Variants in DMD observed in about 807,000 individuals in gnomAD.
DMD encodes the protein dystrophin.
DMD carries 63 observed loss-of-function variants against 330.1 expected under a neutral mutation model. That is an observed-to-expected ratio of 0.19 (90% CI 0.16 to 0.24). The LOEUF (loss-of-function observed/expected upper bound fraction) is 0.24, where lower values mean the gene tolerates loss of function less well. DMD is among the 10% of genes least tolerant of loss of function. The pLI is 1.00. For missense variants in DMD, 3,344 were observed against 2,684.1 expected (o/e 1.25, Z -5.43); for synonymous variants, 1,223 against 959.8 (o/e 1.27, Z -5.07).
chrX:32,526,478 G>C (rs1034724706), intron 17 of DMD, among the ~76,000 whole-genome samples: 3 of 108,949 alleles, frequency 2.8e-5, no homozygotes, highest in African/African-American at 1.0e-4. Flanking sequence ...TTTTCAAAAA[G>C]ACCTTCCATT....
At position 32,733,208 on chromosome X, in the gene DMD, G is replaced by A. The variant is rs1165749984; in HGVS notation, c.650-33915C>T. ...TAAAGGAATCAATTCAACAGGAAGA[G>A]CTAACTATCCTAAATATATATGCAC... is the stretch of plus-strand genomic sequence containing the variant. On this transcript the variant is annotated intron_variant, in intron 7 of 78. Transcript: ENST00000357033. 2.7e-5 allele frequency among the ~76,000 whole-genome samples: 3 copies of A among 111,247 alleles called. No individual in the cohort carries two copies. In the South Asian group the frequency reaches 1.1e-3, roughly 42 times the overall value.
rs1485535759 is a variant in DMD at position 32,438,320 on chromosome X, G to A, written c.3992C>T (p.Thr1331Ile). The A allele has an allele frequency of 1.7e-6, 2 of 1,211,176 alleles. No homozygotes were observed. The highest frequency in any genetic ancestry group is 3.0e-5 in the East Asian group (1 of 33,764). The change falls in exon 29 of 79, where the codon ACA becomes ATA. Residue 1331 changes from threonine to isoleucine, a missense_variant. Thr to Ile is a moderately conservative substitution (Grantham distance 89, BLOSUM62 -1). Coordinates refer to ENST00000357033, the MANE Select transcript of DMD (RefSeq NM_004006.3). ...TAGCTCATCCATGACTCCGCCATCT[G>A]TTAGGGTCTGTGCCAATATGCGAAT... Reference protein sequence around the residue: ...NQIRILAQTLTDGGVMDELIN... With the variant: ...NQIRILAQTLIDGGVMDELIN...
At chrX:33,316,578 A>G (rs747937628) in intron 1 of DMD, among the ~76,000 whole-genome samples, 1 of 111,696 alleles carries the variant, frequency 9.0e-6, no homozygotes, top group East Asian at 2.8e-4. Context: ...GTTGAAAATG[A>G]TAGTTTCCTT....
intron 47 of DMD, among the ~76,000 whole-genome samples, chrX:31,890,914 A>G (rs927490060): frequency 8.9e-6 from 1 of 111,910 alleles, no homozygotes; most frequent in Admixed American, 9.5e-5. Flanking sequence ...AAAATTTTCT[A>G]TCAAATGGCA....
intron 1 of DMD, 72 bp downstream of exon 1, chrX:33,211,210 C>T: frequency 8.8e-7 from 1 of 1,140,655 alleles, no homozygotes; most frequent in Middle Eastern, 2.4e-4. Flanking sequence ...ATCAATCTAC[C>T]TAATTAGTGA....
At chrX:31,366,497 C>CAAAAAAAAAAAAAAAAAAAAAAAAAAA in intron 60 of DMD, among the ~76,000 whole-genome samples, 1 of 28,273 alleles carries the variant, frequency 3.5e-5, no homozygotes, top group Admixed American at 4.3e-4. Context: ...AAAAAAAAAA[C>CAAAAAAAAAAAAAAAAAAAAAAAAAAA]ATAAAAAAAA....
At chrX:32,141,281 A>C (rs777459958) in intron 44 of DMD, among the ~76,000 whole-genome samples, 17 of 107,557 alleles carry the variant, frequency 1.6e-4, no homozygotes, top group African/African-American at 5.8e-4. Flanking sequence ...CAAAAAAAAA[A>C]AACAAATAGC....
chrX:31,630,176 G>A (rs1037995778), intron 54 of DMD, among the ~76,000 whole-genome samples: 1 of 111,635 alleles, frequency 9.0e-6, no homozygotes, highest in Non-Finnish European at 1.9e-5. Context: ...AGATGAAAGA[G>A]TTCTACCGAG....
intron 66 of DMD, 81 bp downstream of exon 66, chrX:31,206,501 A>G: frequency 1.2e-6 from 1 of 842,328 alleles, no homozygotes; most frequent in South Asian, 2.2e-5. Context: ...TCAAATAAGA[A>G]CAGTCTGTCA....
chrX:32,227,580 C>T (rs73460020), intron 43 of DMD, among the ~76,000 whole-genome samples: 2,127 of 106,991 alleles, frequency 0.02, 55 homozygotes, highest in African/African-American at 0.067. Flanking sequence ...GGGATGGGGG[C>T]GAAGGATAGG....
At chrX:31,871,142 G>T (rs1569489685) in intron 48 of DMD, among the ~76,000 whole-genome samples, 1 of 110,995 alleles carries the variant, frequency 9.0e-6, no homozygotes, top group Non-Finnish European at 1.9e-5. Context: ...AAATTCAAAG[G>T]CATGCCTTCT....
chrX:33,248,859 T>C (rs2052716151), intron 1 of DMD, among the ~76,000 whole-genome samples: 1 of 112,491 alleles, frequency 8.9e-6, no homozygotes, highest in African/African-American at 3.2e-5. Flanking sequence ...ATTAGATAAA[T>C]CATTGGCAAC....
At chrX:31,453,781 A>AAAAAAAAAAAAAC (rs2065948246) in intron 59 of DMD, among the ~76,000 whole-genome samples, 3 of 104,591 alleles carry the variant, frequency 2.9e-5, no homozygotes, top group Non-Finnish European at 3.9e-5. Context: ...AAAAAAAAAA[A>AAAAAAAAAAAAAC]AAAAAAAAAC....
At chrX:31,830,997 C>T (rs772502479) in intron 49 of DMD, among the ~76,000 whole-genome samples, 5 of 112,457 alleles carry the variant, frequency 4.4e-5, no homozygotes, top group African/African-American at 1.3e-4. Context: ...TTCTTGAAAG[C>T]ATCTAATCCA....
intron 9 of DMD, 40 bp from the exon 10 acceptor site, chrX:32,645,192 C>T: frequency 1.7e-6 from 2 of 1,170,367 alleles, no homozygotes; most frequent in Non-Finnish European, 2.3e-6. Flanking sequence ...CAATTAATGT[C>T]TTTGCAGATT....
At chrX:31,874,755 A>G (rs5972453) in intron 48 of DMD, among the ~76,000 whole-genome samples, 32,882 of 109,700 alleles carry the variant, frequency 0.3, 3,800 homozygotes, top group Non-Finnish European at 0.33. Flanking sequence ...TCAGTTTTAC[A>G]AGAACCCTTT....
At chrX:33,219,760 C>A (rs2052136758) in intron 1 of DMD, among the ~76,000 whole-genome samples, 1 of 111,322 alleles carries the variant, frequency 9.0e-6, no homozygotes, top group Non-Finnish European at 1.9e-5. Flanking sequence ...ATTATGAGTA[C>A]AAAGATAGTA....
intron 41 of DMD, among the ~76,000 whole-genome samples, chrX:32,326,835 A>T (rs1391009070): frequency 9.1e-6 from 1 of 109,367 alleles, no homozygotes; most frequent in Non-Finnish European, 1.9e-5. Flanking sequence ...TGAACCTGGG[A>T]GACAGAGGGT....
At chrX:31,666,215 T>G (rs185351465) in intron 53 of DMD, among the ~76,000 whole-genome samples, 1 of 111,774 alleles carries the variant, frequency 8.9e-6, no homozygotes, top group Non-Finnish European at 1.9e-5. Context: ...AAATATCCAG[T>G]GCCTTTTCAC....
Sources: gnomAD v4.1 joint callset for allele counts (sites outside exome capture counted in the v4.1 genomes callset) on GRCh38, gnomAD v4.1.1 for gene constraint, MANE v1.5 for transcripts, NCBI Gene and HGNC (gene_info 2026-07-23, HGNC 2026-07-21) for gene names.